The following ANG variants were observed in gnomAD, a reference collection of about 807,000 sequenced individuals.
ANG encodes angiogenin, also known as Homo sapiens epididymis luminal protein 168.
For missense variants in ANG, 178 were observed against 187.4 expected (o/e 0.95, Z 0.29); for synonymous variants, 74 against 73.8 (o/e 1.00, Z -0.02).
chr14:20,688,631 A>C, upstream of ANG: 1 of 927,142 alleles, frequency 1.1e-6, no homozygotes, highest in Non-Finnish European at 1.3e-6. Context: ...CAGGTGGGTT[A>C]ATATCTAACC....
chr14:20,687,393 A>G (rs1425971349), upstream of ANG, among the ~76,000 whole-genome samples: 1 of 152,244 alleles, frequency 6.6e-6, no homozygotes, highest in Non-Finnish European at 1.5e-5. Context: ...GCCCCACCTC[A>G]GCACTACTGC....
intron 1 of ANG, among the ~76,000 whole-genome samples, chr14:20,691,748 C>A (rs1473457316): frequency 2.6e-5 from 4 of 152,186 alleles, no homozygotes; most frequent in African/African-American, 7.2e-5. Flanking sequence ...TAAATAGCAG[C>A]TGGAAATGTT....
intron 1 of ANG, among the ~76,000 whole-genome samples, chr14:20,691,190 A>C (rs1210229646): frequency 6.6e-6 from 1 of 152,182 alleles, no homozygotes; most frequent in Non-Finnish European, 1.5e-5. Flanking sequence ...AGACATTAGT[A>C]ACATTCCTAT....
upstream of ANG, among the ~76,000 whole-genome samples, chr14:20,687,195 C>G (rs1007684777): frequency 1.3e-5 from 2 of 152,230 alleles, no homozygotes; most frequent in Non-Finnish European, 2.9e-5. Flanking sequence ...TAGATGCATT[C>G]TAATGAAATA....
At chr14:20,688,104 A>G (rs1886509672), upstream of ANG, among the ~76,000 whole-genome samples, 1 of 152,192 alleles carries the variant, frequency 6.6e-6, no homozygotes, top group Non-Finnish European at 1.5e-5. Flanking sequence ...CAAGGATCAG[A>G]AGATTGAATG....
rs1234220460 is a variant in ANG, at chr14:20,693,139, G to T, written c.-18-408G>T. Among the ~76,000 whole-genome samples, 3 of 152,348 alleles carry T rather than the reference G, an allele frequency of 2.0e-5. No homozygotes were observed. The East Asian group carries it at 5.8e-4, about 29-fold the overall frequency. Reference sequence around the variant, plus strand: ...TGGGATTACAGGCGTGAGCCACCGCGCCCGGCCGTCATTTGGTATGTCTTA... The same window carrying T: ...TGGGATTACAGGCGTGAGCCACCGCTCCCGGCCGTCATTTGGTATGTCTTA... On this transcript the variant is annotated intron_variant, in intron 1 of 1. Coordinates refer to ENST00000397990, the MANE Select transcript of ANG (RefSeq NM_001097577.3).
chr14:20,686,898 T>C (rs1029801570), upstream of ANG, among the ~76,000 whole-genome samples: 2 of 152,200 alleles, frequency 1.3e-5, no homozygotes, highest in Admixed American at 1.3e-4. Context: ...ATATATACTC[T>C]GTATGAAGGA....
intron 1 of ANG, among the ~76,000 whole-genome samples, chr14:20,689,407 A>G (rs972427210): frequency 6.6e-6 from 1 of 152,210 alleles, no homozygotes; most frequent in African/African-American, 2.4e-5. Flanking sequence ...TTAGGCTCTT[A>G]CTTTGGGGGA....
chr14:20,690,221 C>CAAAAAAAAAAAAAAAAAAAAA (rs36091065), intron 1 of ANG, among the ~76,000 whole-genome samples: 4 of 67,980 alleles, frequency 5.9e-5, no homozygotes, highest in African/African-American at 2.6e-4. Flanking sequence ...GACTCCGTCT[C>CAAAAAAAAAAAAAAAAAAAAA]AAAAAAAAAA....
At position 20,688,867 on chromosome 14, in the gene ANG, C is replaced by T; in HGVS notation, c.-26C>T. The T allele has an allele frequency of 3.0e-6, 3 of 984,914 alleles. No homozygotes were observed. Among genetic ancestry groups the T allele is most frequent in the South Asian group, 4.7e-5 (1 of 21,264 alleles). The allele number at this position is 984,914 out of a possible 1,614,324, so 61.0% of individuals were successfully genotyped here. ...ACTGCCAGATTTTTGTAAGATTCTT[C>T]CTCCTGGGTAAACTATTGTTCAATT... On this transcript the variant is annotated 5_prime_UTR_variant, in exon 1 of 2. Coordinates refer to ENST00000397990, the MANE Select transcript of ANG (RefSeq NM_001097577.3).
upstream of ANG, among the ~76,000 whole-genome samples, chr14:20,687,175 A>T (rs1004293432): frequency 6.6e-6 from 1 of 152,254 alleles, no homozygotes; most frequent in African/African-American, 2.4e-5. Flanking sequence ...AACACAAATG[A>T]CTAAGTGCTT....
chr14:20,686,509 T>A (rs1344472340), upstream of ANG, among the ~76,000 whole-genome samples: 1 of 152,264 alleles, frequency 6.6e-6, no homozygotes, highest in East Asian at 1.9e-4. Flanking sequence ...AAGCAGATTC[T>A]CTGTAATTCT....
At chr14:20,692,797 C>T (rs1886838000) in intron 1 of ANG, among the ~76,000 whole-genome samples, 2 of 152,186 alleles carry the variant, frequency 1.3e-5, no homozygotes, top group Admixed American at 6.5e-5. Flanking sequence ...AAGCCCCCAT[C>T]TTTTCCCCAT....
At chr14:20,684,445 C>A (rs28589501), upstream of ANG, 16,519 of 152,262 alleles carry the variant, frequency 0.11, 918 homozygotes, top group Middle Eastern at 0.13. Flanking sequence ...GCCCCTGGGG[C>A]GGGTGCTGCT....
chr14:20,688,981 A>C (rs1166727537), intron 1 of ANG, 107 bp downstream of exon 1: 1 of 491,820 alleles, frequency 2.0e-6, no homozygotes, highest in Non-Finnish European at 2.6e-6. Context: ...TCATGAATTA[A>C]AAAGAAAATG....
rs1886987417 is a variant in ANG at position 20,694,156 on chromosome 14, A to G, written c.*148A>G. ...TGTTTTCTGTTTGACAACATGTTTA[A>G]TAAATAAAAATGTCTTGATATCAGT... On this transcript the variant is annotated 3_prime_UTR_variant, in exon 2 of 2. Transcript: ENST00000397990. 2.5e-6 allele frequency: 2 copies of G among 815,752 alleles called. No homozygotes were observed. The highest frequency in any genetic ancestry group is 4.1e-6 in the Non-Finnish European group (2 of 488,132). The allele number at this position is 815,752 out of a possible 1,614,324, so 50.5% of individuals were successfully genotyped here.
intron 1 of ANG, among the ~76,000 whole-genome samples, chr14:20,692,986 T>C (rs950303964): frequency 3.3e-5 from 5 of 151,500 alleles, no homozygotes; most frequent in East Asian, 1.9e-4. Flanking sequence ...TAGCTGGGAC[T>C]ACAGGCGCCC....
intron 1 of ANG, among the ~76,000 whole-genome samples, chr14:20,692,703 G>T (rs1308494678): frequency 1.3e-5 from 2 of 152,102 alleles, no homozygotes; most frequent in Non-Finnish European, 2.9e-5. Context: ...ATGATCCCTG[G>T]TGCCAAAAAT....
At chr14:20,686,916 G>T (rs1324565345), upstream of ANG, among the ~76,000 whole-genome samples, 3 of 152,206 alleles carry the variant, frequency 2.0e-5, no homozygotes, top group Admixed American at 2.0e-4. Context: ...GGAGGAAAGT[G>T]CTCTAACACT....
Sources: allele counts gnomAD v4.1 joint callset (sites outside exome capture counted in the v4.1 genomes callset), GRCh38; gene constraint gnomAD v4.1.1; transcripts MANE v1.5; gene names NCBI Gene and HGNC (gene_info 2026-07-23, HGNC 2026-07-21).